The following PAK2 variants were observed in gnomAD, a reference collection of about 807,000 sequenced individuals.
PAK2 encodes the protein p21 (RAC1) activated kinase 2.
Under a neutral mutation model 65.9 loss-of-function variants are expected in PAK2, and 21 were observed. The ratio of observed to expected loss-of-function variants is 0.32; its 90% CI spans 0.23 to 0.46. The LOEUF (loss-of-function observed/expected upper bound fraction) is 0.46, where lower values mean the gene tolerates loss of function less well. PAK2 is among the 20% of genes least tolerant of loss of function. The pLI is 1.00. For missense variants in PAK2, 324 were observed against 642.6 expected, an observed-to-expected ratio of 0.50 and a Z score of 5.36; for synonymous variants, 204 against 219.7, an observed-to-expected ratio of 0.93 and a Z score of 0.63.
At chr3:196,803,187 G>A (rs1228917154) in intron 4 of PAK2, 23 bp downstream of exon 4, 3 of 1,556,030 alleles carry the variant, frequency 1.9e-6, no homozygotes, top group East Asian at 2.3e-5. Flanking sequence ...CATAAGGCTG[G>A]ATCAGATGGA....
Position 196,806,703 on chromosome 3 carries a change from G to A in PAK2, c.576+17G>A, listed in dbSNP as rs1235193955. On this transcript the variant is annotated intron_variant, in intron 6 of 14. Transcript: ENST00000327134. ...ACGAAATCAGTGAGTCTCCATCGGT[G>A]ATCTAGGCTGTGTGTGTGCACGTGT... is the stretch of plus-strand genomic sequence containing the variant. The A allele has an allele frequency of 1.4e-6, 2 of 1,394,620 alleles. No individual in the cohort carries two copies. The highest frequency in any genetic ancestry group is 2.0e-6 in the Non-Finnish European group (2 of 979,708). 86.4% of individuals were successfully genotyped at this position (1,394,620 alleles called of 1,614,324 possible).
chr3:196,756,672 C>G (rs1360030110), intron 1 of PAK2, among the ~76,000 whole-genome samples: 1 of 152,000 alleles, frequency 6.6e-6, no homozygotes, highest in Non-Finnish European at 1.5e-5. Flanking sequence ...CTTGTCCGTA[C>G]TAAAAATACA....
At position 196,829,933 on chromosome 3, in the gene PAK2, CCTCTT is replaced by C. The variant is rs968973173; in HGVS notation, c.*1531_*1535del. On this transcript the variant is annotated 3_prime_UTR_variant, in exon 15 of 15. Transcript: ENST00000327134. ...CCTTTTCTCTTCTCTTTTTTCCTCT[CCTCTT>C]CTTCTCCTTTATTCATTGTTTTGCT... 4 of 151,852 alleles carry C rather than the reference CCTCTT, an allele frequency of 2.6e-5. No individual in the cohort carries two copies. The highest frequency in any genetic ancestry group is 9.7e-5 in the African/African-American group (4 of 41,300). The allele number at this position is 151,852 out of a possible 1,614,324, so 9.4% of individuals were successfully genotyped here.
chr3:196,766,420 A>G (rs1029278232), intron 1 of PAK2, among the ~76,000 whole-genome samples: 2 of 152,192 alleles, frequency 1.3e-5, no homozygotes, highest in Non-Finnish European at 2.9e-5. Context: ...CATAATCTCT[A>G]AAGATGTAAG....
At chr3:196,795,298 A>AAAAAAAAG (rs766912232) in intron 2 of PAK2, among the ~76,000 whole-genome samples, 12 of 151,668 alleles carry the variant, frequency 7.9e-5, no homozygotes, top group Non-Finnish European at 1.8e-4. Context: ...TCTACAAAAA[A>AAAAAAAAG]AAAAAAAGAA....
intron 1 of PAK2, among the ~76,000 whole-genome samples, chr3:196,764,175 A>G (rs1440667591): frequency 1.3e-5 from 2 of 152,096 alleles, no homozygotes; most frequent in African/African-American, 2.4e-5. Context: ...ATAAACAGAC[A>G]CTGGGAAAAA....
rs575765769 is a variant in PAK2, at chr3:196,807,862, C to G, written c.657C>G (p.Asp219Glu). 6.2e-7 allele frequency: 1 copy of G among 1,609,890 alleles called. No individual in the cohort carries two copies. Among genetic ancestry groups the G allele is most frequent in the Non-Finnish European group, 8.5e-7 (1 of 1,176,562 alleles). The part of the protein sequence containing the change: ...SHVDGAAKSL[D>E]KQKKKTKMTD... ...TTGATGGTGCTGCCAAGTCTTTAGA[C>G]AAACAGAAAAAGAAGACTAAGATGA... Residue 219 changes from aspartate to glutamate, a missense_variant, in exon 7 of 15, where the codon GAC (aspartate) becomes GAG (glutamate). Physicochemically the swap from Asp to Glu is conservative, Grantham distance 45. Transcript: ENST00000327134.
intron 13 of PAK2, among the ~76,000 whole-genome samples, chr3:196,824,526 A>G (rs949197427): frequency 6.6e-6 from 1 of 152,208 alleles, no homozygotes; most frequent in Non-Finnish European, 1.5e-5. Context: ...GCTACATATT[A>G]TTTCAACTGT....
chr3:196,751,664 T>TAG (rs1713591731), intron 1 of PAK2, among the ~76,000 whole-genome samples: 1 of 36,286 alleles, frequency 2.8e-5, no homozygotes, highest in Non-Finnish European at 5.3e-5. Context: ...CACACAAATT[T>TAG]ATTTATATAC....
intron 14 of PAK2, 72 bp downstream of exon 14, chr3:196,827,405 G>A (rs1464884532): frequency 1.3e-6 from 2 of 1,547,818 alleles, no homozygotes; most frequent in Admixed American, 2.0e-5. Context: ...CTTTCCTAGG[G>A]CTAATAAGTA....
intron 1 of PAK2, among the ~76,000 whole-genome samples, chr3:196,779,789 G>A (rs1423621586): frequency 2.0e-5 from 3 of 152,148 alleles, no homozygotes; most frequent in Non-Finnish European, 2.9e-5. Flanking sequence ...CTCTGCCTCA[G>A]CCTCCCGAGT....
chr3:196,819,742 T>C (rs1711590864), intron 12 of PAK2, among the ~76,000 whole-genome samples: 1 of 152,216 alleles, frequency 6.6e-6, no homozygotes, highest in African/African-American at 2.4e-5. Context: ...ATCCTGCACC[T>C]CCATTACAGG....
chr3:196,810,587 T>C lies in PAK2; in HGVS notation c.710-3T>C, dbSNP rs778134337. On this transcript the variant is annotated splice_region_variant and splice_polypyrimidine_tract_variant and intron_variant, in intron 7 of 14. Transcript: ENST00000327134. Reference sequence around the variant, plus strand: ...TGAGCTTCCAGCTTTTTGTTTATTCTAGGAACTATCGTGAGCATAGGTGAC... The same window carrying C: ...TGAGCTTCCAGCTTTTTGTTTATTCCAGGAACTATCGTGAGCATAGGTGAC... 1 of 1,534,230 alleles carries C rather than the reference T, an allele frequency of 6.5e-7. No individual in the cohort carries two copies. Among genetic ancestry groups the C allele is most frequent in the South Asian group, 1.1e-5 (1 of 89,278 alleles).
intron 13 of PAK2, among the ~76,000 whole-genome samples, chr3:196,824,919 T>C (rs150090776): frequency 6.6e-6 from 1 of 152,286 alleles, no homozygotes; most frequent in East Asian, 1.9e-4. Context: ...GGTTCATTTG[T>C]AACAAATGTC....
intron 4 of PAK2, among the ~76,000 whole-genome samples, chr3:196,804,726 C>T (rs1292620110): frequency 1.3e-5 from 2 of 151,960 alleles, no homozygotes; most frequent in African/African-American, 2.4e-5. Flanking sequence ...CTCTCGGCCT[C>T]CCAAAGTGCT....
intron 1 of PAK2, among the ~76,000 whole-genome samples, chr3:196,743,222 C>G (rs1713265261): frequency 6.6e-6 from 1 of 152,186 alleles, no homozygotes; most frequent in Admixed American, 6.5e-5. Flanking sequence ...GGTAGTCAGT[C>G]TGAACATTCA....
intron 3 of PAK2, 66 bp downstream of exon 3, chr3:196,802,093 A>AT: frequency 2.3e-6 from 2 of 886,622 alleles, no homozygotes; most frequent in Non-Finnish European, 3.8e-6. Flanking sequence ...TTCCTTCATT[A>AT]TTAAATTTGA....
intron 1 of PAK2, among the ~76,000 whole-genome samples, chr3:196,778,285 G>A (rs1271926103): frequency 6.6e-6 from 1 of 152,090 alleles, no homozygotes; most frequent in African/African-American, 2.4e-5. Context: ...TTGTGTATCC[G>A]TTCATCAGTT....
At chr3:196,782,973 CTAGTT>C in intron 2 of PAK2, 140 bp downstream of exon 2, 1 of 461,712 alleles carries the variant, frequency 2.2e-6, no homozygotes, top group Non-Finnish European at 3.9e-6. Context: ...ATTAAAAAGA[CTAGTT>C]TATTTTAAAT....
Sources: gnomAD v4.1 joint callset for allele counts (sites outside exome capture counted in the v4.1 genomes callset) on GRCh38, gnomAD v4.1.1 for gene constraint, MANE v1.5 for transcripts, NCBI Gene and HGNC (gene_info 2026-07-23, HGNC 2026-07-21) for gene names.